Variants in MTUS2 observed in about 807,000 individuals in gnomAD.
MTUS2 encodes the protein microtubule associated scaffold protein 2.
MTUS2 carries 40 observed loss-of-function variants against 114.1 expected under a neutral mutation model. The observed-to-expected ratio is 0.35, with a 90% CI of 0.27 to 0.46. The LOEUF is 0.46. Among genes scored for constraint, MTUS2 ranks in the 20% least tolerant of loss-of-function variants. The pLI is 1.00. For missense variants in MTUS2, 1,679 were observed against 1,705.4 expected, an observed-to-expected ratio of 0.98 and a Z score of 0.27; for synonymous variants, 688 against 672.0, an observed-to-expected ratio of 1.02 and a Z score of -0.37.
At chr13:29,051,637 C>T (rs886829175) in intron 4 of MTUS2, among the ~76,000 whole-genome samples, 7 of 152,116 alleles carry the variant, frequency 4.6e-5, no homozygotes, top group Admixed American at 1.3e-4. Flanking sequence ...TATGGTGTCC[C>T]GGAAGCCACA....
At chr13:29,100,736 G>T in intron 4 of MTUS2, 37 bp from the exon 5 acceptor site, 2 of 1,545,174 alleles carry the variant, frequency 1.3e-6, no homozygotes, top group South Asian at 2.4e-5. Flanking sequence ...ATTATGAACT[G>T]AGAATAATTT....
At chr13:29,300,621 T>C (rs1899159093) in intron 6 of MTUS2, among the ~76,000 whole-genome samples, 1 of 151,622 alleles carries the variant, frequency 6.6e-6, no homozygotes, top group African/African-American at 2.4e-5. Context: ...TTCAGACTTA[T>C]ATATTCTACT....
At chr13:28,969,444 G>C (rs1055662909) in intron 2 of MTUS2, among the ~76,000 whole-genome samples, 3 of 152,020 alleles carry the variant, frequency 2.0e-5, no homozygotes, top group African/African-American at 7.2e-5. Context: ...TTGAAACCAT[G>C]AAATATATTA....
intron 2 of MTUS2, among the ~76,000 whole-genome samples, chr13:28,944,612 T>C (rs1882422235): frequency 6.6e-6 from 1 of 152,234 alleles, no homozygotes; most frequent in African/African-American, 2.4e-5. Flanking sequence ...ATTGCTTATT[T>C]ATGCCACAAC....
At chr13:29,097,958 TGA>T (rs1890247276) in intron 4 of MTUS2, among the ~76,000 whole-genome samples, 1 of 152,196 alleles carries the variant, frequency 6.6e-6, no homozygotes, top group Non-Finnish European at 1.5e-5. Flanking sequence ...GTCTTTCTTA[TGA>T]GACACTAAGA....
At chr13:29,289,464 C>CTT (rs532952669) in intron 6 of MTUS2, among the ~76,000 whole-genome samples, 21,911 of 139,656 alleles carry the variant, frequency 0.16, 1,961 homozygotes, top group African/African-American at 0.18. Flanking sequence ...GTAGGCATTT[C>CTT]TTTTTTTTTT....
chr13:29,295,133 T>C lies in MTUS2; in HGVS notation c.2806+13268T>C, dbSNP rs547161978. 8.2e-4 allele frequency among the ~76,000 whole-genome samples: 124 copies of C among 152,130 alleles called. 1 individual carries two copies. Among genetic ancestry groups the C allele is most frequent in the Middle Eastern group, 3.4e-3 (1 of 292 alleles). ...GACTGGCTGTTGCCTTTTTTTTTTTTACTTTTATTATTTTTAATTCACACA... is the reference window on the plus strand; with the variant it reads ...GACTGGCTGTTGCCTTTTTTTTTTTCACTTTTATTATTTTTAATTCACACA... On this transcript the variant is annotated intron_variant, in intron 6 of 15. Coordinates refer to ENST00000612955, the MANE Select transcript of MTUS2 (RefSeq NM_001033602.4).
chr13:29,294,346 T>C (rs567028574), intron 6 of MTUS2, among the ~76,000 whole-genome samples: 1 of 152,212 alleles, frequency 6.6e-6, no homozygotes, highest in South Asian at 2.1e-4. Context: ...TTCTTTTTAA[T>C]GATGTTGTAA....
intron 8 of MTUS2, among the ~76,000 whole-genome samples, chr13:29,421,877 A>G (rs1467223219): frequency 6.6e-6 from 1 of 152,224 alleles, no homozygotes; most frequent in Non-Finnish European, 1.5e-5. Context: ...GACGGAGGGC[A>G]GGGGAGGGAA....
intron 9 of MTUS2, among the ~76,000 whole-genome samples, chr13:29,456,855 A>AG (rs1879139421): frequency 6.6e-6 from 1 of 152,196 alleles, no homozygotes; most frequent in Non-Finnish European, 1.5e-5. Context: ...ATAAAAGACT[A>AG]GGCCGGGCAC....
At chr13:29,464,718 G>C (rs1879765196) in intron 9 of MTUS2, among the ~76,000 whole-genome samples, 1 of 152,150 alleles carries the variant, frequency 6.6e-6, no homozygotes, top group Non-Finnish European at 1.5e-5. Flanking sequence ...ATTTTAACAG[G>C]ATCCTCCGAT....
intron 6 of MTUS2, among the ~76,000 whole-genome samples, chr13:29,320,169 A>T (rs1381221722): frequency 6.6e-6 from 1 of 152,178 alleles, no homozygotes; most frequent in African/African-American, 2.4e-5. Context: ...GAGAGGCAGG[A>T]GGAATTAGAA....
intron 5 of MTUS2, among the ~76,000 whole-genome samples, chr13:29,173,030 T>G (rs191558977): frequency 6.6e-6 from 1 of 152,162 alleles, no homozygotes; most frequent in African/African-American, 2.4e-5. Flanking sequence ...GCCAGGAACC[T>G]TCATATAGGC....
intron 5 of MTUS2, among the ~76,000 whole-genome samples, chr13:29,153,229 G>A (rs1052166164): frequency 2.0e-5 from 3 of 152,134 alleles, no homozygotes; most frequent in Non-Finnish European, 4.4e-5. Flanking sequence ...AGCAAGACAA[G>A]ACAGTGCAGG....
chr13:28,995,352 C>G (rs1593365877), intron 2 of MTUS2, among the ~76,000 whole-genome samples: 2 of 152,262 alleles, frequency 1.3e-5, no homozygotes, highest in African/African-American at 4.8e-5. Flanking sequence ...CAGCTTTGTT[C>G]TTTTGGCTTA....
At chr13:29,314,094 G>A (rs1364254024) in intron 6 of MTUS2, among the ~76,000 whole-genome samples, 1 of 152,074 alleles carries the variant, frequency 6.6e-6, no homozygotes, top group African/African-American at 2.4e-5. Context: ...AAAGAGGAAG[G>A]CATAGGAACC....
chr13:29,199,698 G>A (rs1894857357), intron 5 of MTUS2, among the ~76,000 whole-genome samples: 1 of 152,062 alleles, frequency 6.6e-6, no homozygotes, highest in South Asian at 2.1e-4. Context: ...GATGATGCTG[G>A]CCTCATAAAA....
chr13:28,974,362 G>A lies in MTUS2; in HGVS notation c.-242-50095G>A, dbSNP rs533352709. Among the ~76,000 whole-genome samples the A allele has an allele frequency of 2.0e-5, 3 of 152,120 alleles. No individual in the cohort carries two copies. The South Asian group carries it at 6.2e-4, about 32-fold the overall frequency. ...GCCACGTTTTTAAAAACACAGTTTGGGCCAAACAAACTGTATCTGAATTTA... is the reference window on the plus strand; with the variant it reads ...GCCACGTTTTTAAAAACACAGTTTGAGCCAAACAAACTGTATCTGAATTTA... On this transcript the variant is annotated intron_variant, in intron 2 of 15. Transcript: ENST00000612955.
intron 7 of MTUS2, among the ~76,000 whole-genome samples, chr13:29,333,864 AG>A (rs1900919124): frequency 6.6e-6 from 1 of 152,098 alleles, no homozygotes; most frequent in Non-Finnish European, 1.5e-5. Flanking sequence ...TATGAAGCTG[AG>A]TGCTCCTGTA....
Sources: allele counts gnomAD v4.1 joint callset (sites outside exome capture counted in the v4.1 genomes callset), GRCh38; gene constraint gnomAD v4.1.1; transcripts MANE v1.5; gene names NCBI Gene and HGNC (gene_info 2026-07-23, HGNC 2026-07-21).